The following CSMD1 variants were observed in gnomAD, a reference collection of about 807,000 sequenced individuals.
The protein encoded by CSMD1 is CUB and Sushi multiple domains 1, also known as CUB and sushi domain-containing protein 1.
CSMD1 carries 213 observed loss-of-function variants against 417.5 expected under a neutral mutation model. That is an observed-to-expected ratio of 0.51 (90% confidence interval 0.46 to 0.57). CSMD1 has a LOEUF of 0.57. Among genes scored for constraint, CSMD1 ranks in the 20% least tolerant of loss-of-function variants. CSMD1 has a pLI of 0.00. For synonymous variants in CSMD1, 2,862 were observed against 1,736.8 expected, an observed-to-expected ratio of 1.65 and a Z score of -16.11; for missense variants, 6,923 against 4,529.7, an observed-to-expected ratio of 1.53 and a Z score of -15.17.
intron 5 of CSMD1, among the ~76,000 whole-genome samples, chr8:3,935,818 G>C (rs1249304181): frequency 6.6e-6 from 1 of 152,132 alleles, no homozygotes; most frequent in Non-Finnish European, 1.5e-5. Flanking sequence ...CAAGTGAAAG[G>C]AAGAGTCACA....
chr8:3,672,485 C>A (rs931768855), intron 7 of CSMD1, among the ~76,000 whole-genome samples: 1 of 151,850 alleles, frequency 6.6e-6, no homozygotes, highest in Admixed American at 6.6e-5. Flanking sequence ...AGGTCTGCTG[C>A]TATTTCAGTT....
chr8:3,425,341 G>A (rs908790150), intron 12 of CSMD1, among the ~76,000 whole-genome samples: 1 of 151,556 alleles, frequency 6.6e-6, no homozygotes, highest in African/African-American at 2.4e-5. Context: ...TGTAATCCCA[G>A]CACTTTGGGA....
chr8:4,541,604 C>T (rs143300709), intron 2 of CSMD1, among the ~76,000 whole-genome samples: 2,305 of 151,986 alleles, frequency 0.015, 51 homozygotes, highest in East Asian at 0.063. Flanking sequence ...AAAAATTAGC[C>T]GGGCATGGTG....
chr8:4,166,203 T>A (rs1797446823), intron 3 of CSMD1, among the ~76,000 whole-genome samples: 1 of 152,306 alleles, frequency 6.6e-6, no homozygotes, highest in South Asian at 2.1e-4. Flanking sequence ...ATAGTCAGTT[T>A]TATGACATAT....
At chr8:4,029,350 G>C (rs570541209) in intron 4 of CSMD1, among the ~76,000 whole-genome samples, 51 of 152,302 alleles carry the variant, frequency 3.3e-4, no homozygotes, top group South Asian at 1.9e-3. Flanking sequence ...CAAAAGAGAG[G>C]TTTGATGGAC....
At chr8:3,547,858 T>A (rs1798741522) in intron 10 of CSMD1, among the ~76,000 whole-genome samples, 1 of 152,194 alleles carries the variant, frequency 6.6e-6, no homozygotes, top group South Asian at 2.1e-4. Context: ...TTTCGCTAGG[T>A]CATTTTTTAA....
chr8:4,435,604 G>C (rs556778157), intron 2 of CSMD1, among the ~76,000 whole-genome samples: 3 of 152,088 alleles, frequency 2.0e-5, no homozygotes, highest in Admixed American at 6.5e-5. Flanking sequence ...TGCTCTTCAC[G>C]GCACATGAGT....
intron 26 of CSMD1, among the ~76,000 whole-genome samples, chr8:3,250,481 C>A (rs1304912469): frequency 6.6e-6 from 1 of 152,134 alleles, no homozygotes; most frequent in East Asian, 1.9e-4. Flanking sequence ...GGGTTGGTTC[C>A]AAGTCTTTGC....
chr8:3,886,908 C>A (rs866160917), intron 5 of CSMD1, among the ~76,000 whole-genome samples: 2 of 152,216 alleles, frequency 1.3e-5, no homozygotes, highest in African/African-American at 2.4e-5. Flanking sequence ...TGAGCATAAA[C>A]ACAGCCAATC....
intron 5 of CSMD1, among the ~76,000 whole-genome samples, chr8:3,907,084 C>A (rs1184715660): frequency 1.3e-5 from 2 of 152,258 alleles, no homozygotes; most frequent in East Asian, 3.9e-4. Flanking sequence ...TAATCACATC[C>A]CATGACTCAA....
chr8:3,723,985 G>GC (rs1268385088), intron 6 of CSMD1, among the ~76,000 whole-genome samples: 1 of 113,676 alleles, frequency 8.8e-6, no homozygotes. Flanking sequence ...AAAGAAAAAT[G>GC]TCCACTATTA....
intron 1 of CSMD1, among the ~76,000 whole-genome samples, chr8:4,794,914 G>C (rs1034758228): frequency 2.0e-5 from 3 of 151,794 alleles, no homozygotes; most frequent in South Asian, 2.1e-4. Flanking sequence ...TCAGGAGTTG[G>C]TCATTTAGAA....
chr8:3,277,405 G>A (rs1253500260), intron 26 of CSMD1, among the ~76,000 whole-genome samples: 1 of 152,168 alleles, frequency 6.6e-6, no homozygotes, highest in East Asian at 1.9e-4. Flanking sequence ...GCAAGGCAGG[G>A]CAGCTCAGAC....
At chr8:3,715,484 A>C (rs1186663413) in intron 6 of CSMD1, among the ~76,000 whole-genome samples, 4 of 152,114 alleles carry the variant, frequency 2.6e-5, no homozygotes, top group African/African-American at 7.2e-5. Context: ...CCCAATTATA[A>C]AAATGTGTTG....
At chr8:3,297,977 C>G (rs994262865) in intron 25 of CSMD1, among the ~76,000 whole-genome samples, 3 of 151,966 alleles carry the variant, frequency 2.0e-5, no homozygotes, top group African/African-American at 7.2e-5. Context: ...ATTCAAAAGG[C>G]CAATAAACAT....
At chr8:3,172,489 A>C (rs1820641137) in intron 37 of CSMD1, among the ~76,000 whole-genome samples, 1 of 152,080 alleles carries the variant, frequency 6.6e-6, no homozygotes, top group South Asian at 2.1e-4. Context: ...TTTCTTTCTA[A>C]TTGTGCCCCC....
At chr8:4,312,816 G>T (rs1220346537) in intron 3 of CSMD1, among the ~76,000 whole-genome samples, 1 of 152,144 alleles carries the variant, frequency 6.6e-6, no homozygotes, top group South Asian at 2.1e-4. Context: ...GGAGGTTGCA[G>T]TTAGCTGAGA....
intron 5 of CSMD1, among the ~76,000 whole-genome samples, chr8:3,805,503 G>T (rs1001726897): frequency 6.6e-6 from 1 of 152,124 alleles, no homozygotes; most frequent in East Asian, 1.9e-4. Flanking sequence ...CATGTTCAGG[G>T]ATGACTCTGA....
chr8:3,340,600 A>T (rs1353711521), intron 23 of CSMD1, among the ~76,000 whole-genome samples: 3 of 152,212 alleles, frequency 2.0e-5, no homozygotes, highest in Non-Finnish European at 4.4e-5. Flanking sequence ...AAAATATTTT[A>T]TCTAACCGGT....
Sources: allele counts gnomAD v4.1 joint callset (sites outside exome capture counted in the v4.1 genomes callset), GRCh38; gene constraint gnomAD v4.1.1; transcripts MANE v1.5; gene names NCBI Gene and HGNC (gene_info 2026-07-23, HGNC 2026-07-21).